The following PNCK variants were observed in gnomAD, a reference collection of about 807,000 sequenced individuals.
PNCK encodes calcium/calmodulin-dependent protein kinase type 1B.
Under a neutral mutation model 28.3 loss-of-function variants are expected in PNCK, and 21 were observed. The observed-to-expected ratio is 0.74, with a 90% CI of 0.53 to 1.07. PNCK has a LOEUF of 1.07. Among genes scored for constraint, PNCK ranks in the 50% least tolerant of loss-of-function variants. PNCK has a pLI of 0.00. For synonymous variants in PNCK, 136 were observed against 125.2 expected (o/e 1.09, Z -0.58); for missense variants, 250 against 298.3 (o/e 0.84, Z 1.19).
At chrX:153,679,377 G>A (rs1453763368), upstream of PNCK, among the ~76,000 whole-genome samples, 2 of 107,860 alleles carry the variant, frequency 1.9e-5, no homozygotes, top group Admixed American at 2.1e-4. Context: ...CTATCTAGTA[G>A]GTATGCAGCG....
rs782688994 is a variant in PNCK, at chrX:153,670,510, T to C, written c.979A>G (p.Met327Val). Residue 327 changes from methionine (M) to valine (V), a missense_variant, in exon 11 of 12, where the codon ATG (methionine) becomes GTG (valine). Physicochemically the swap from Met to Val is conservative, Grantham distance 21. Coordinates refer to ENST00000340888, the MANE Select transcript of PNCK (RefSeq NM_001366977.1). Reference protein sequence around the residue: ...PEGEGASEQGMARHSHSGLRA... With the variant: ...PEGEGASEQGVARHSHSGLRA... ...AGGCCTGAGTGGCTGTGGCGGGCCA[T>C]GCCCTGCTCAGAGGCCCCCTCGCCC... The C allele has an allele frequency of 1.2e-5, 14 of 1,208,768 alleles. No homozygotes were observed. The African/African-American group carries it at 2.3e-4, about 19-fold the overall frequency.
intron 1 of PNCK, among the ~76,000 whole-genome samples, chrX:153,684,294 A>T (rs2091407607): frequency 8.9e-6 from 1 of 112,415 alleles, no homozygotes. Context: ...ATGTAACAGA[A>T]CCGCGCTTGT....
At chrX:153,675,511 T>C (rs190535755), upstream of PNCK, among the ~76,000 whole-genome samples, 150 of 108,063 alleles carry the variant, frequency 1.4e-3, 1 homozygote, top group African/African-American at 5.3e-3. Context: ...CATTGTATCA[T>C]GGGGTTTTTT....
At chrX:153,674,021 G>A, upstream of PNCK, 5 of 1,190,082 alleles carry the variant, frequency 4.2e-6, no homozygotes, top group African/African-American at 3.5e-5. Context: ...CTGCGGCCCG[G>A]CTGGGCCGGC....
upstream of PNCK, chrX:153,673,851 C>G (rs782570647): frequency 4.6e-4 from 356 of 766,476 alleles, 1 homozygote; most frequent in African/African-American, 7.5e-3. Flanking sequence ...GCCCCGCCGG[C>G]CCCGCCCCCT....
chrX:153,671,239 G>A, intron 7 of PNCK, 46 bp downstream of exon 7: 1 of 1,148,161 alleles, frequency 8.7e-7, no homozygotes, highest in African/African-American at 1.8e-5. Flanking sequence ...CCCCAACCCA[G>A]CAGGGGCAGG....
chrX:153,680,056 A>G (rs2091388610), intron 1 of PNCK, among the ~76,000 whole-genome samples: 1 of 110,511 alleles, frequency 9.0e-6, no homozygotes, highest in Admixed American at 9.7e-5. Context: ...CACAACTCAA[A>G]AAGAAAAGAG....
In PNCK at chrX:153,672,012, C is replaced by G; in HGVS notation, c.282G>C (p.Thr94=). The change falls in exon 5 of 12, where the codon ACG becomes ACC. Residue 94 remains threonine, a synonymous_variant. Coordinates refer to ENST00000340888, the MANE Select transcript of PNCK (RefSeq NM_001366977.1). ...SHLYLAMELV[T]GGELFDRIME... is the part of the protein sequence containing the mutation. ...TGATGCGGTCAAACAGCTCGCCACC[C>G]GTCACCCTGGGGGTGCCAGGGGTTT... 8.3e-7 allele frequency: 1 copy of G among 1,210,480 alleles called. No individual in the cohort carries two copies. Among genetic ancestry groups the G allele is most frequent in the Non-Finnish European group, 1.1e-6 (1 of 894,798 alleles).
chrX:153,669,774 G>A lies in PNCK; in HGVS notation c.*364C>T. On this transcript the variant is annotated 3_prime_UTR_variant, in exon 12 of 12. Transcript: ENST00000340888. ...TATTGGTTTGGGGAAAACTGGAGGGGGCTGGAAGGCCATGACCATGACACA... is the reference window on the plus strand; with the variant it reads ...TATTGGTTTGGGGAAAACTGGAGGGAGCTGGAAGGCCATGACCATGACACA... 2.9e-6 allele frequency: 1 copy of A among 342,700 alleles called. No individual in the cohort carries two copies. The highest frequency in any genetic ancestry group is 5.9e-6 in the Non-Finnish European group (1 of 170,182). The allele number at this position is 342,700 out of a possible 1,213,427, so 28.2% of individuals were successfully genotyped here.
At position 153,671,427 on chromosome X, in the gene PNCK, G is replaced by C. The variant is rs1295504085; in HGVS notation, c.539-67C>G. On this transcript the variant is annotated intron_variant, in intron 6 of 11. Transcript: ENST00000340888. ...GCAGCCATGCCGCTCAGTGTCACTG[G>C]CTCGGCCTACTCAAGCCCAGGAATG... 4.1e-6 allele frequency: 5 copies of C among 1,210,118 alleles called. No homozygotes were observed. In the African/African-American group the frequency reaches 8.7e-5, roughly 21 times the overall value.
Position 153,670,594 on chromosome X carries a change from G to A in PNCK, c.895C>T (p.Arg299Ter), listed in dbSNP as rs782746502. Residue 299 changes from arginine (R) to a stop codon, truncating the protein, a stop_gained and splice_region_variant, in exon 11 of 12, where the codon CGA becomes TGA. Transcript: ENST00000340888. LOFTEE classifies it high-confidence loss of function. ...RKNFARTHWKRAFNATSFLRH... is the reference protein window; with the variant it reads ...RKNFARTHWK ...AGGAACGAGGTGGCATTGAAGGCTCGCTGCCAGAAGAGAGGGAGATCAGGC... is the reference window on the plus strand; with the variant it reads ...AGGAACGAGGTGGCATTGAAGGCTCACTGCCAGAAGAGAGGGAGATCAGGC... 4.2e-5 allele frequency: 51 copies of A among 1,208,062 alleles called. 1 individual carries two copies. Among genetic ancestry groups the A allele is most frequent in the South Asian group, 1.6e-4 (9 of 56,460 alleles).
chrX:153,684,011 G>C (rs1198451120), intron 1 of PNCK, among the ~76,000 whole-genome samples: 2 of 112,589 alleles, frequency 1.8e-5, no homozygotes, highest in African/African-American at 6.5e-5. Flanking sequence ...TTCCATGTTA[G>C]CAGAATTCAG....
At chrX:153,670,674 G>T (rs2091283781) in intron 10 of PNCK, 70 bp downstream of exon 10, 94 of 1,185,798 alleles carry the variant, frequency 7.9e-5, no homozygotes, top group Non-Finnish European at 1.0e-4. Context: ...GTGGTCACTG[G>T]GCAGCCACGG....
intron 1 of PNCK, among the ~76,000 whole-genome samples, chrX:153,682,690 T>G (rs2091400643): frequency 1.8e-5 from 2 of 111,942 alleles, no homozygotes; most frequent in African/African-American, 6.5e-5. Flanking sequence ...TGATGTACTT[T>G]GTAATCTCCC....
chrX:153,682,078 T>A (rs1411256002), intron 1 of PNCK, among the ~76,000 whole-genome samples: 1 of 111,503 alleles, frequency 9.0e-6, no homozygotes, highest in African/African-American at 3.3e-5. Flanking sequence ...AACCTCCGCC[T>A]CCTGGGTTCA....
chrX:153,681,764 A>G (rs1247219927), intron 1 of PNCK, among the ~76,000 whole-genome samples: 3 of 112,432 alleles, frequency 2.7e-5, no homozygotes, highest in Non-Finnish European at 3.8e-5. Flanking sequence ...CTGTCCTAAC[A>G]TAAGAGGCTA....
chrX:153,669,790 C>T lies in PNCK; in HGVS notation c.*348G>A, dbSNP rs1557038990. On this transcript the variant is annotated 3_prime_UTR_variant, in exon 12 of 12. Transcript: ENST00000340888. ...ACTGGAGGGGGCTGGAAGGCCATGA[C>T]CATGACACAAGCAGGACCACCCACA... 2.9e-6 allele frequency: 1 copy of T among 342,852 alleles called. No homozygotes were observed. Among genetic ancestry groups the T allele is most frequent in the Non-Finnish European group, 5.9e-6 (1 of 170,230 alleles). 28.3% of individuals were successfully genotyped at this position (342,852 alleles called of 1,213,427 possible).
intron 1 of PNCK, among the ~76,000 whole-genome samples, chrX:153,680,543 G>C (rs1166465561): frequency 9.5e-6 from 1 of 105,356 alleles, no homozygotes; most frequent in Admixed American, 1.0e-4. Flanking sequence ...AAATTACCCA[G>C]CCTCAGATTT....
chrX:153,673,823 G>A, upstream of PNCK: 3 of 750,728 alleles, frequency 4.0e-6, no homozygotes, highest in Non-Finnish European at 4.7e-6. Flanking sequence ...TGGCCGCAGC[G>A]CCAAGCCCCC....
Sources: allele counts gnomAD v4.1 joint callset (sites outside exome capture counted in the v4.1 genomes callset), GRCh38; gene constraint gnomAD v4.1.1; transcripts MANE v1.5; gene names NCBI Gene and HGNC (gene_info 2026-07-23, HGNC 2026-07-21).